RAP1A: variants seen among roughly 807,000 people sequenced by gnomAD.
RAP1A encodes the protein RAP1A, member of RAS oncogene family, also known as ras-related protein Rap-1A.
In RAP1A, 6 loss-of-function variants were observed where a neutral mutation model predicts 26.4. The ratio of observed to expected loss-of-function variants is 0.23; its 90% CI spans 0.12 to 0.45. The LOEUF is 0.45. RAP1A is among the 20% of genes least tolerant of loss of function. The pLI is 0.99. For synonymous variants in RAP1A, 73 were observed against 79.4 expected, an observed-to-expected ratio of 0.92 and a Z score of 0.43; for missense variants, 121 against 217.2, an observed-to-expected ratio of 0.56 and a Z score of 2.78.
intron 1 of RAP1A, among the ~76,000 whole-genome samples, chr1:111,642,634 C>T (rs1437130613): frequency 2.6e-5 from 4 of 151,136 alleles, no homozygotes; most frequent in African/African-American, 9.7e-5. Flanking sequence ...ACTACAGGCG[C>T]CTGCCACCAC....
chr1:111,569,226 C>T (rs1024872764), intron 1 of RAP1A, among the ~76,000 whole-genome samples: 1 of 151,948 alleles, frequency 6.6e-6, no homozygotes, highest in Non-Finnish European at 1.5e-5. Flanking sequence ...CATAGTGAAA[C>T]CCTGTCTCTA....
chr1:111,691,437 G>C lies in RAP1A; in HGVS notation c.57+20G>C, dbSNP rs764258385. 2 of 1,587,920 alleles carry C rather than the reference G, an allele frequency of 1.3e-6. No homozygotes were observed. The highest frequency in any genetic ancestry group is 2.2e-5 in the South Asian group (2 of 90,458). ...GCTCTGGTAAGTTAGCCACCTAACT[G>C]TAACTGATTAATATAATACAAGAAG... On this transcript the variant is annotated intron_variant, in intron 2 of 7. Coordinates refer to ENST00000369709, the MANE Select transcript of RAP1A (RefSeq NM_002884.4).
intron 1 of RAP1A, among the ~76,000 whole-genome samples, chr1:111,655,681 T>TTTC (rs1660433273): frequency 7.5e-6 from 1 of 133,372 alleles, no homozygotes; most frequent in African/African-American, 2.7e-5. Flanking sequence ...TTTTTTTTTT[T>TTTC]TTTTAAGACG....
chr1:111,636,218 C>A (rs137896373), intron 1 of RAP1A, among the ~76,000 whole-genome samples: 13 of 152,156 alleles, frequency 8.5e-5, no homozygotes, highest in African/African-American at 2.9e-4. Flanking sequence ...GACTTTTGTT[C>A]TCTACTTAAT....
chr1:111,618,590 C>T (rs1300435832), upstream of RAP1A, among the ~76,000 whole-genome samples: 1 of 152,090 alleles, frequency 6.6e-6, no homozygotes, highest in Non-Finnish European at 1.5e-5. Flanking sequence ...ACTCATATAT[C>T]GATTGTTTAT....
chr1:111,606,149 T>C (rs192286506), intron 1 of RAP1A, among the ~76,000 whole-genome samples: 2 of 152,282 alleles, frequency 1.3e-5, no homozygotes, highest in East Asian at 3.9e-4. Flanking sequence ...ACCTGAAGGG[T>C]GATCATCTTT....
chr1:111,550,857 T>C (rs1657228196), intron 1 of RAP1A, among the ~76,000 whole-genome samples: 1 of 152,250 alleles, frequency 6.6e-6, no homozygotes, highest in Non-Finnish European at 1.5e-5. Flanking sequence ...TAAAATTTAT[T>C]CAGACTTGCT....
chr1:111,666,922 TA>T lies in RAP1A; in HGVS notation c.-27-24411del, dbSNP rs1247823087. 8.1e-5 allele frequency among the ~76,000 whole-genome samples: 7 copies of T among 86,070 alleles called. No homozygotes were observed. The Admixed American group carries it at 8.4e-4, about 10-fold the overall frequency. The allele number at this position is 86,070 out of a possible 152,430, so 56.5% of individuals were successfully genotyped here. Reference sequence around the variant, plus strand: ...TGAAAGATGGCCAGTGTGGCTGTCATAGAGAGTAAATAGGGATATGGAGCAA... The same window carrying T: ...TGAAAGATGGCCAGTGTGGCTGTCATGAGAGTAAATAGGGATATGGAGCAA... On this transcript the variant is annotated intron_variant, in intron 1 of 7. Transcript: ENST00000369709.
rs1557868777 is a variant in RAP1A, at chr1:111,622,253, A to G, written c.-28+2319A>G. On this transcript the variant is annotated intron_variant, in intron 1 of 7. Transcript: ENST00000369709. ...GTCTCTCTTCTATTCAAAACCCTCCAGTGTTTTCCCATCTCATTCACAGTA... is the reference window on the plus strand; with the variant it reads ...GTCTCTCTTCTATTCAAAACCCTCCGGTGTTTTCCCATCTCATTCACAGTA... 2.0e-5 allele frequency among the ~76,000 whole-genome samples: 3 copies of G among 152,142 alleles called. No homozygotes were observed. The South Asian group carries it at 6.2e-4, about 31-fold the overall frequency.
chr1:111,552,556 AT>A (rs912341326), intron 1 of RAP1A, among the ~76,000 whole-genome samples: 1 of 152,146 alleles, frequency 6.6e-6, no homozygotes, highest in African/African-American at 2.4e-5. Context: ...ATAATTCACC[AT>A]TTTTTTATCC....
intron 1 of RAP1A, among the ~76,000 whole-genome samples, chr1:111,674,050 C>G (rs1367665683): frequency 6.6e-6 from 1 of 152,076 alleles, no homozygotes; most frequent in African/African-American, 2.4e-5. Context: ...TGAGTTCTTT[C>G]CCTAGTTTCT....
At chr1:111,672,041 T>C (rs998734047) in intron 1 of RAP1A, among the ~76,000 whole-genome samples, 1 of 152,188 alleles carries the variant, frequency 6.6e-6, no homozygotes, top group Non-Finnish European at 1.5e-5. Context: ...AAATTATCCA[T>C]GTACACTGGA....
At chr1:111,693,996 C>T (rs1297657077) in intron 2 of RAP1A, among the ~76,000 whole-genome samples, 1 of 151,738 alleles carries the variant, frequency 6.6e-6, no homozygotes, top group Non-Finnish European at 1.5e-5. Flanking sequence ...TTAAGCAATC[C>T]TCCCACCTTA....
intron 1 of RAP1A, among the ~76,000 whole-genome samples, chr1:111,634,105 T>G (rs1659653507): frequency 6.6e-6 from 1 of 152,214 alleles, no homozygotes; most frequent in South Asian, 2.1e-4. Context: ...CTCTGTGTGT[T>G]GGTATACCAA....
chr1:111,663,944 A>G (rs749869126), intron 1 of RAP1A, among the ~76,000 whole-genome samples: 1 of 152,108 alleles, frequency 6.6e-6, no homozygotes, highest in African/African-American at 2.4e-5. Context: ...CTCTGTTGCA[A>G]TCTACAGAGT....
chr1:111,656,494 A>G (rs896502383), intron 1 of RAP1A, among the ~76,000 whole-genome samples: 2 of 152,194 alleles, frequency 1.3e-5, no homozygotes, highest in African/African-American at 2.4e-5. Context: ...AAAATTGTCC[A>G]TAATGCCATC....
At chr1:111,632,125 G>A (rs375636439) in intron 1 of RAP1A, among the ~76,000 whole-genome samples, 8 of 151,846 alleles carry the variant, frequency 5.3e-5, no homozygotes, top group East Asian at 3.9e-4. Flanking sequence ...GCATGTGTTT[G>A]TTTCTGTCTT....
intron 1 of RAP1A, among the ~76,000 whole-genome samples, chr1:111,672,972 C>G (rs1186024248): frequency 6.6e-6 from 1 of 152,152 alleles, no homozygotes; most frequent in East Asian, 1.9e-4. Flanking sequence ...GTCTGGTGTT[C>G]TTTCTACATT....
intron 1 of RAP1A, among the ~76,000 whole-genome samples, chr1:111,641,758 TTAATTC>T (rs1557875124): frequency 6.6e-6 from 1 of 152,132 alleles, no homozygotes; most frequent in Non-Finnish European, 1.5e-5. Flanking sequence ...TTTGTATACT[TTAATTC>T]TAAAGAAAAA....
Sources: gnomAD v4.1 joint callset for allele counts (sites outside exome capture counted in the v4.1 genomes callset) on GRCh38, gnomAD v4.1.1 for gene constraint, MANE v1.5 for transcripts, NCBI Gene and HGNC (gene_info 2026-07-23, HGNC 2026-07-21) for gene names.